CNTNAP5: variants seen among roughly 807,000 people sequenced by gnomAD.
The protein encoded by CNTNAP5 is contactin associated protein family member 5, also known as contactin-associated protein-like 5.
In CNTNAP5, 72 loss-of-function variants were observed where a neutral mutation model predicts 150.2. The observed-to-expected ratio is 0.48, with a 90% CI of 0.40 to 0.58. The LOEUF (loss-of-function observed/expected upper bound fraction) is 0.58, where lower values mean the gene tolerates loss of function less well. Ranked by LOEUF, CNTNAP5 falls within the 20% of genes least tolerant of loss-of-function variation. The pLI is 0.00. For synonymous variants in CNTNAP5, 672 were observed against 619.8 expected, an observed-to-expected ratio of 1.08 and a Z score of -1.25; for missense variants, 1,636 against 1,626.2, an observed-to-expected ratio of 1.01 and a Z score of -0.10.
At chr2:124,545,399 AC>A (rs1173114177) in intron 10 of CNTNAP5, among the ~76,000 whole-genome samples, 1 of 152,096 alleles carries the variant, frequency 6.6e-6, no homozygotes, top group Admixed American at 6.6e-5. Context: ...AAGTTCTGTG[AC>A]TATTCTTGTC....
At chr2:124,594,576 C>T (rs1696777931) in intron 11 of CNTNAP5, among the ~76,000 whole-genome samples, 1 of 140,922 alleles carries the variant, frequency 7.1e-6, no homozygotes, top group Admixed American at 7.3e-5. Context: ...AGTGTGATGC[C>T]TCCAGCTTTG....
intron 3 of CNTNAP5, among the ~76,000 whole-genome samples, chr2:124,336,200 T>C (rs1277449995): frequency 6.6e-6 from 1 of 151,962 alleles, no homozygotes; most frequent in African/African-American, 2.4e-5. Flanking sequence ...GAAGGTGAGG[T>C]ACAGAACTCT....
intron 3 of CNTNAP5, among the ~76,000 whole-genome samples, chr2:124,377,181 G>A (rs895287280): frequency 2.0e-5 from 3 of 152,080 alleles, no homozygotes; most frequent in Admixed American, 2.0e-4. Context: ...TCACCAAGGA[G>A]TTAACTAAGA....
chr2:124,601,522 C>T (rs1265318176), intron 11 of CNTNAP5, among the ~76,000 whole-genome samples: 1 of 152,076 alleles, frequency 6.6e-6, no homozygotes, highest in Non-Finnish European at 1.5e-5. Context: ...ACAAAACACA[C>T]AACAATTAAA....
intron 3 of CNTNAP5, among the ~76,000 whole-genome samples, chr2:124,309,582 C>T (rs1343495801): frequency 6.6e-6 from 1 of 152,160 alleles, no homozygotes; most frequent in East Asian, 1.9e-4. Context: ...GGAGGGAATA[C>T]AAACAGCAAT....
chr2:124,737,654 C>T (rs1453779814), intron 13 of CNTNAP5, among the ~76,000 whole-genome samples: 1 of 152,124 alleles, frequency 6.6e-6, no homozygotes, highest in African/African-American at 2.4e-5. Context: ...ATCAAGTGAT[C>T]CTTACTTTAA....
intron 8 of CNTNAP5, among the ~76,000 whole-genome samples, chr2:124,514,872 G>C (rs1001146169): frequency 1.3e-5 from 2 of 152,202 alleles, no homozygotes; most frequent in Non-Finnish European, 2.9e-5. Context: ...CAGAGTTTTG[G>C]TCAGGGACCC....
rs530126745 is a variant in CNTNAP5 at position 124,119,632 on chromosome 2, G to A, written c.82+93900G>A. ...TAATTTGAGATAGAATAGGGGCCGG[G>A]CATAGTGGCTCATGCCTGAGATCCC... is the stretch of plus-strand genomic sequence containing the variant. On this transcript the variant is annotated intron_variant, in intron 1 of 23. Transcript: ENST00000682447. Among the ~76,000 whole-genome samples, 8 of 152,268 alleles carry A rather than the reference G, an allele frequency of 5.3e-5. No homozygotes were observed. The South Asian group carries it at 1.7e-3, about 32-fold the overall frequency.
chr2:124,115,358 C>T (rs561274257), intron 1 of CNTNAP5, among the ~76,000 whole-genome samples: 2 of 152,102 alleles, frequency 1.3e-5, no homozygotes, highest in South Asian at 4.2e-4. Context: ...TTAGGAATTT[C>T]GGACTGAAAC....
intron 2 of CNTNAP5, among the ~76,000 whole-genome samples, chr2:124,229,961 C>T (rs1176532112): frequency 6.6e-6 from 1 of 151,818 alleles, no homozygotes; most frequent in African/African-American, 2.4e-5. Context: ...AATTTTAATC[C>T]GTCTTCCTCA....
At chr2:124,614,416 C>A (rs1677452545) in intron 12 of CNTNAP5, among the ~76,000 whole-genome samples, 1 of 152,104 alleles carries the variant, frequency 6.6e-6, no homozygotes, top group Non-Finnish European at 1.5e-5. Context: ...TAAAGAATAG[C>A]TATTCCATAG....
chr2:124,186,561 T>C (rs1685337031), intron 1 of CNTNAP5, among the ~76,000 whole-genome samples: 4 of 152,210 alleles, frequency 2.6e-5, no homozygotes, highest in African/African-American at 7.2e-5. Context: ...AAAGGCCTTA[T>C]TAAGTATAAC....
chr2:124,156,858 C>T (rs944077884), intron 1 of CNTNAP5, among the ~76,000 whole-genome samples: 1 of 152,138 alleles, frequency 6.6e-6, no homozygotes, highest in African/African-American at 2.4e-5. Flanking sequence ...CACCAATCAC[C>T]AAGTAGCATG....
chr2:124,150,171 A>T (rs1381647719), intron 1 of CNTNAP5, among the ~76,000 whole-genome samples: 2 of 152,202 alleles, frequency 1.3e-5, no homozygotes, highest in Non-Finnish European at 2.9e-5. Flanking sequence ...AAGGAACAGC[A>T]CCAGAAAGTA....
At chr2:124,658,416 G>A (rs1189084550) in intron 13 of CNTNAP5, among the ~76,000 whole-genome samples, 1 of 151,312 alleles carries the variant, frequency 6.6e-6, no homozygotes, top group African/African-American at 2.4e-5. Flanking sequence ...ACCACACAAA[G>A]TTAGTTAAAA....
intron 3 of CNTNAP5, among the ~76,000 whole-genome samples, chr2:124,338,645 G>T (rs1689534100): frequency 6.6e-6 from 1 of 152,056 alleles, no homozygotes; most frequent in African/African-American, 2.4e-5. Flanking sequence ...TAATACAATT[G>T]CAATTTTCTT....
intron 7 of CNTNAP5, among the ~76,000 whole-genome samples, chr2:124,502,569 AC>A (rs1694302012): frequency 6.6e-6 from 1 of 152,206 alleles, no homozygotes; most frequent in African/African-American, 2.4e-5. Context: ...CAAAAATGAT[AC>A]TGACCTCAGG....
At chr2:124,202,895 A>T (rs1685765110) in intron 1 of CNTNAP5, among the ~76,000 whole-genome samples, 1 of 152,162 alleles carries the variant, frequency 6.6e-6, no homozygotes, top group Non-Finnish European at 1.5e-5. Flanking sequence ...GTGAGGACAC[A>T]GCCAGACCAC....
rs117048572 is a variant in CNTNAP5, at chr2:124,324,159, A to G, written c.381+81766A>G. Among the ~76,000 whole-genome samples the G allele has an allele frequency of 6.8e-3, 1,032 of 152,340 alleles. 8 individuals carry two copies. Among genetic ancestry groups the G allele is most frequent in the East Asian group, 0.03 (155 of 5,182 alleles). ...AACCAGACAGAAATAGCCCAATTCC[A>G]TCACACCTTTAGTTCCTAGGGAACC... On this transcript the variant is annotated intron_variant, in intron 3 of 23. Transcript: ENST00000682447.
Sources: gnomAD v4.1 joint callset for allele counts (sites outside exome capture counted in the v4.1 genomes callset) on GRCh38, gnomAD v4.1.1 for gene constraint, MANE v1.5 for transcripts, NCBI Gene and HGNC (gene_info 2026-07-23, HGNC 2026-07-21) for gene names.